Variants in RBFOX1 observed in about 807,000 individuals in gnomAD.
RBFOX1 encodes the protein RNA binding fox-1 homolog 1, also known as RNA binding protein fox-1 homolog 1.
In RBFOX1, 8 loss-of-function variants were observed where a neutral mutation model predicts 57.7. The observed-to-expected ratio is 0.14, with a 90% CI of 0.08 to 0.25. The LOEUF (loss-of-function observed/expected upper bound fraction) is 0.25. Ranked by LOEUF, RBFOX1 falls within the 10% of genes least tolerant of loss-of-function variation. RBFOX1 has a pLI of 1.00. For missense variants in RBFOX1, 611 were observed against 548.5 expected (o/e 1.11, Z -1.14); for synonymous variants, 326 against 222.4 (o/e 1.47, Z -4.15).
chr16:5,265,361 G>A (rs947080759), intron 1 of RBFOX1, among the ~76,000 whole-genome samples: 1 of 152,112 alleles, frequency 6.6e-6, no homozygotes, highest in Non-Finnish European at 1.5e-5. Context: ...TGCAGAATGA[G>A]CTTCTTGCTA....
chr16:6,358,374 G>A (rs1029844926), intron 2 of RBFOX1, among the ~76,000 whole-genome samples: 4 of 152,206 alleles, frequency 2.6e-5, no homozygotes, highest in Non-Finnish European at 5.9e-5. Flanking sequence ...CATGTAAGGA[G>A]GTGGAGAGCC....
rs115462915 is a variant in RBFOX1 at position 7,238,492 on chromosome 16, C to G, written c.27+186394C>G. On this transcript the variant is annotated intron_variant, in intron 4 of 15. Transcript: ENST00000550418. ...CCCTTCCTGCAATATTTACTTAGTA[C>G]TTTTTCCTAGGTTACTCTCCTCATC... Among the ~76,000 whole-genome samples the G allele has an allele frequency of 1.8e-3, 277 of 151,398 alleles. 1 individual carries two copies. Among genetic ancestry groups the G allele is most frequent in the African/African-American group, 6.2e-3 (253 of 40,982 alleles).
chr16:5,818,742 G>A (rs73514221), intron 3 of RBFOX1, among the ~76,000 whole-genome samples: 5,869 of 152,258 alleles, frequency 0.039, 323 homozygotes, highest in African/African-American at 0.12. Context: ...GATTAGGAGT[G>A]TTGCTGGTTA....
chr16:7,144,855 AT>A (rs1310675770), intron 4 of RBFOX1, among the ~76,000 whole-genome samples: 5 of 152,176 alleles, frequency 3.3e-5, no homozygotes, highest in Non-Finnish European at 7.3e-5. Flanking sequence ...GAAGGTTGCC[AT>A]TTAGCAGTAT....
chr16:5,915,202 T>A (rs1229740336), intron 4 of RBFOX1, among the ~76,000 whole-genome samples: 2 of 152,240 alleles, frequency 1.3e-5, no homozygotes, highest in Non-Finnish European at 2.9e-5. Context: ...TGTTACATCC[T>A]CTGATGAGTG....
At chr16:7,671,561 G>T in intron 13 of RBFOX1, 1 of 1,609,932 alleles carries the variant, frequency 6.2e-7, no homozygotes, top group Non-Finnish European at 8.5e-7. Flanking sequence ...TTATAGAGTA[G>T]TGTATCAAGA....
chr16:7,133,684 T>A (rs1299428108), intron 4 of RBFOX1, among the ~76,000 whole-genome samples: 2 of 152,202 alleles, frequency 1.3e-5, no homozygotes, highest in Admixed American at 6.5e-5. Flanking sequence ...AAAAATTAAT[T>A]GTTTATTTAA....
intron 11 of RBFOX1, among the ~76,000 whole-genome samples, chr16:7,651,286 G>C (rs911073487): frequency 3.9e-5 from 6 of 152,102 alleles, no homozygotes; most frequent in African/African-American, 1.4e-4. Context: ...TTTTATTTGG[G>C]CCCTTAAAAT....
chr16:5,633,852 T>TA (rs71142635), intron 3 of RBFOX1, among the ~76,000 whole-genome samples: 113,998 of 143,898 alleles, frequency 0.79, 45,812 homozygotes, highest in Non-Finnish European at 0.88. Flanking sequence ...GACTCCGTCT[T>TA]AAAAAAAAAA....
intron 4 of RBFOX1, among the ~76,000 whole-genome samples, chr16:7,309,183 C>A (rs756003140): frequency 1.3e-5 from 2 of 152,196 alleles, no homozygotes; most frequent in African/African-American, 4.8e-5. Flanking sequence ...AATTGGTTAA[C>A]CAATCTTTCT....
intron 4 of RBFOX1, among the ~76,000 whole-genome samples, chr16:7,103,074 A>G (rs1315385389): frequency 1.3e-5 from 2 of 151,814 alleles, no homozygotes; most frequent in Non-Finnish European, 2.9e-5. Flanking sequence ...TTTGCCTCAA[A>G]AAAAAAAAAT....
chr16:5,342,052 C>A (rs1328040710), intron 1 of RBFOX1, among the ~76,000 whole-genome samples: 1 of 152,172 alleles, frequency 6.6e-6, no homozygotes, highest in African/African-American at 2.4e-5. Context: ...GCTGGTAAAT[C>A]CTTTAGTGTA....
chr16:6,077,180 C>G (rs1253065930), intron 1 of RBFOX1, among the ~76,000 whole-genome samples: 2 of 152,182 alleles, frequency 1.3e-5, no homozygotes, highest in African/African-American at 2.4e-5. Flanking sequence ...AGTTCAGCCT[C>G]TTGCAACATA....
intron 1 of RBFOX1, among the ~76,000 whole-genome samples, chr16:5,354,501 T>C (rs760599302): frequency 2.6e-5 from 4 of 152,210 alleles, no homozygotes; most frequent in Non-Finnish European, 5.9e-5. Context: ...ACAGGGCTGC[T>C]TGGGGGTTAA....
Position 6,763,413 on chromosome 16 carries a change from C to A in RBFOX1, c.-16+108763C>A, listed in dbSNP as rs553724861. On this transcript the variant is annotated intron_variant, in intron 3 of 15. Transcript: ENST00000550418. ...AGTATTGTTTGGCACAACCATTCAA[C>A]CAGCAAACTGTATCTTCATGGGCCT... is the stretch of plus-strand genomic sequence containing the variant. Among the ~76,000 whole-genome samples, 5 of 152,318 alleles carry A rather than the reference C, an allele frequency of 3.3e-5. No individual in the cohort carries two copies. The South Asian group carries it at 1.0e-3, about 32-fold the overall frequency.
chr16:6,649,321 A>G (rs1003073032), intron 2 of RBFOX1, among the ~76,000 whole-genome samples: 2 of 152,062 alleles, frequency 1.3e-5, no homozygotes, highest in East Asian at 1.9e-4. Context: ...TATATACCAC[A>G]TTTGCTTTAT....
intron 2 of RBFOX1, among the ~76,000 whole-genome samples, chr16:6,473,325 A>G (rs1205026620): frequency 6.6e-6 from 1 of 152,134 alleles, no homozygotes; most frequent in Non-Finnish European, 1.5e-5. Context: ...CAAGTGCTCA[A>G]TTAATCCTTG....
chr16:6,428,511 C>T (rs945437516), intron 2 of RBFOX1, among the ~76,000 whole-genome samples: 3 of 152,018 alleles, frequency 2.0e-5, no homozygotes, highest in African/African-American at 7.2e-5. Context: ...GTAACTTGTG[C>T]TTTCTGTGCC....
intron 3 of RBFOX1, among the ~76,000 whole-genome samples, chr16:6,742,068 C>T (rs747242020): frequency 6.6e-6 from 1 of 152,104 alleles, no homozygotes; most frequent in Non-Finnish European, 1.5e-5. Context: ...ACAGTGTATA[C>T]ATTTTTCAAA....
Sources: allele counts gnomAD v4.1 joint callset (sites outside exome capture counted in the v4.1 genomes callset), GRCh38; gene constraint gnomAD v4.1.1; transcripts MANE v1.5; gene names NCBI Gene and HGNC (gene_info 2026-07-23, HGNC 2026-07-21).